The following FMN1 variants were observed in gnomAD, a reference collection of about 807,000 sequenced individuals.
FMN1 encodes formin 1.
A neutral mutation model predicts 132.4 loss-of-function variants in FMN1; 110 were observed. That is an observed-to-expected ratio of 0.83 (90% confidence interval 0.71 to 0.97). FMN1 has a LOEUF of 0.97. Among genes scored for constraint, FMN1 ranks in the 50% least tolerant of loss-of-function variants. The probability of loss-of-function intolerance (pLI) is 0.00; values close to 1 mark genes in which losing one functional copy is unlikely to be tolerated. For missense variants in FMN1, 1,792 were observed against 1,705.3 expected (o/e 1.05, Z -0.90); for synonymous variants, 722 against 651.7 (o/e 1.11, Z -1.64).
intron 17 of FMN1, among the ~76,000 whole-genome samples, chr15:32,841,235 A>C (rs945604902): frequency 6.6e-6 from 1 of 152,224 alleles, no homozygotes; most frequent in Non-Finnish European, 1.5e-5. Context: ...TGTTTGAGAA[A>C]TATAGAGAGA....
At chr15:33,141,818 A>G (rs1288629036) in intron 4 of FMN1, among the ~76,000 whole-genome samples, 2 of 152,096 alleles carry the variant, frequency 1.3e-5, no homozygotes, top group Admixed American at 6.5e-5. Flanking sequence ...TCAAAATGGC[A>G]GAGGTAGCTC....
At chr15:32,877,365 G>A (rs2059662253) in intron 16 of FMN1, among the ~76,000 whole-genome samples, 1 of 151,748 alleles carries the variant, frequency 6.6e-6, no homozygotes, top group Non-Finnish European at 1.5e-5. Context: ...ATTGTTCAGA[G>A]TCATTTACAA....
chr15:32,894,434 A>G (rs867301115), intron 15 of FMN1, among the ~76,000 whole-genome samples: 14 of 151,966 alleles, frequency 9.2e-5, no homozygotes, highest in Non-Finnish European at 1.8e-4. Flanking sequence ...CAGTGAGCCA[A>G]GATTGCACCA....
intron 9 of FMN1, among the ~76,000 whole-genome samples, chr15:32,935,858 C>T (rs1045682162): frequency 6.6e-6 from 1 of 152,012 alleles, no homozygotes; most frequent in Admixed American, 6.6e-5. Flanking sequence ...GAACTCCTGA[C>T]CTCGTGATCT....
At chr15:33,140,342 A>G (rs7165173) in intron 4 of FMN1, among the ~76,000 whole-genome samples, 66,486 of 151,606 alleles carry the variant, frequency 0.44, 15,750 homozygotes, top group South Asian at 0.55. Context: ...AAATAAAGTT[A>G]CCCTTGAACT....
At chr15:32,936,811 C>T (rs1335763110) in intron 9 of FMN1, among the ~76,000 whole-genome samples, 3 of 152,168 alleles carry the variant, frequency 2.0e-5, no homozygotes, top group Non-Finnish European at 4.4e-5. Flanking sequence ...CCTTGGACAA[C>T]ACTGTGAAAA....
intron 6 of FMN1, among the ~76,000 whole-genome samples, chr15:33,045,250 G>T (rs1340742150): frequency 6.6e-6 from 1 of 152,178 alleles, no homozygotes; most frequent in Non-Finnish European, 1.5e-5. Context: ...GCCTGGCTGT[G>T]GGCAGTGGCT....
At chr15:32,886,085 C>G (rs372607028) in intron 16 of FMN1, among the ~76,000 whole-genome samples, 4 of 152,016 alleles carry the variant, frequency 2.6e-5, no homozygotes, top group Non-Finnish European at 4.4e-5. Context: ...TGAAACGGAC[C>G]GCCACGATTC....
At chr15:33,118,037 C>CAG (rs909866044) in intron 4 of FMN1, among the ~76,000 whole-genome samples, 1 of 152,086 alleles carries the variant, frequency 6.6e-6, no homozygotes, top group African/African-American at 2.4e-5. Flanking sequence ...TGTGAATTTG[C>CAG]AAAAATTTTC....
intron 17 of FMN1, among the ~76,000 whole-genome samples, chr15:32,853,310 C>T (rs17228873): frequency 0.17 from 25,693 of 152,168 alleles, 2,884 homozygotes; most frequent in Admixed American, 0.27. Flanking sequence ...TACCACATTA[C>T]ACCAACTCCA....
At chr15:32,963,268 T>A (rs2030797629) in intron 9 of FMN1, among the ~76,000 whole-genome samples, 1 of 146,442 alleles carries the variant, frequency 6.8e-6, no homozygotes, top group South Asian at 2.1e-4. Context: ...CCGCATATTC[T>A]CACTCATAGG....
intron 2 of FMN1, among the ~76,000 whole-genome samples, chr15:33,186,156 C>T (rs1431309566): frequency 6.6e-6 from 1 of 151,526 alleles, no homozygotes; most frequent in Non-Finnish European, 1.5e-5. Context: ...TCATGGCCTT[C>T]CAGACAGCTC....
intron 12 of FMN1, among the ~76,000 whole-genome samples, chr15:32,905,625 G>T (rs1450316147): frequency 6.6e-6 from 1 of 152,216 alleles, no homozygotes; most frequent in African/African-American, 2.4e-5. Context: ...TCTGGCACTG[G>T]AGTGTAAGAG....
At chr15:33,120,515 A>G (rs1962449645) in intron 4 of FMN1, among the ~76,000 whole-genome samples, 1 of 152,190 alleles carries the variant, frequency 6.6e-6, no homozygotes. Flanking sequence ...GAATTGTATA[A>G]TCCAAAAAAT....
chr15:32,821,791 G>T (rs1400579301), intron 17 of FMN1, among the ~76,000 whole-genome samples: 1 of 151,988 alleles, frequency 6.6e-6, no homozygotes, highest in African/African-American at 2.4e-5. Flanking sequence ...TGATTTTAAG[G>T]TTATCTACAG....
At chr15:33,056,889 A>C (rs1311453384) in intron 6 of FMN1, among the ~76,000 whole-genome samples, 1 of 152,208 alleles carries the variant, frequency 6.6e-6, no homozygotes, top group Non-Finnish European at 1.5e-5. Flanking sequence ...AAAGCAGATG[A>C]AACTAGGCCG....
chr15:32,863,962 A>G (rs764102729), intron 16 of FMN1, among the ~76,000 whole-genome samples: 1 of 152,246 alleles, frequency 6.6e-6, no homozygotes, highest in African/African-American at 2.4e-5. Context: ...TTAGAACAGT[A>G]ATATTTTATT....
intron 16 of FMN1, among the ~76,000 whole-genome samples, chr15:32,873,875 T>G (rs1261013555): frequency 6.6e-6 from 1 of 152,140 alleles, no homozygotes; most frequent in Non-Finnish European, 1.5e-5. Flanking sequence ...GTCTCTGTCT[T>G]TGGGATGAGT....
At chr15:33,087,158 C>T (rs1426260705) in intron 5 of FMN1, among the ~76,000 whole-genome samples, 1 of 152,204 alleles carries the variant, frequency 6.6e-6, no homozygotes, top group Admixed American at 6.5e-5. Context: ...TCAATCCTAC[C>T]AGGCCATCTA....
Sources: gnomAD v4.1 joint callset for allele counts (sites outside exome capture counted in the v4.1 genomes callset) on GRCh38, gnomAD v4.1.1 for gene constraint, MANE v1.5 for transcripts, NCBI Gene and HGNC (gene_info 2026-07-23, HGNC 2026-07-21) for gene names.